ESPN: variants seen among roughly 807,000 people sequenced by gnomAD.
The protein encoded by ESPN is autosomal recessive deafness type 36 protein.
ESPN carries 68 observed loss-of-function variants against 77.7 expected under a neutral mutation model. That is an observed-to-expected ratio of 0.87 (90% CI 0.72 to 1.07). ESPN has a LOEUF of 1.07. ESPN is among the 50% of genes least tolerant of loss of function. The probability of loss-of-function intolerance (pLI) is 0.00; values close to 1 mark genes in which losing one functional copy is unlikely to be tolerated. For missense variants in ESPN, 1,060 were observed against 1,239.0 expected (o/e 0.86, Z 2.17); for synonymous variants, 449 against 567.1 (o/e 0.79, Z 2.96).
chr1:6,430,368 G>A (rs1569584417), intron 2 of ESPN, among the ~76,000 whole-genome samples: 1 of 152,254 alleles, frequency 6.6e-6, no homozygotes, highest in Non-Finnish European at 1.5e-5. Context: ...GAAGTGACAC[G>A]CTGCAGAGGA....
chr1:6,454,572 C>CA, intron 10 of ESPN: 2 of 399,008 alleles, frequency 5.0e-6, no homozygotes, highest in Non-Finnish European at 4.4e-6. Context: ...CGAGAACCTG[C>CA]AGGTGCTGCA....
At chr1:6,445,042 C>A (rs185451588) in intron 6 of ESPN, among the ~76,000 whole-genome samples, 1 of 152,270 alleles carries the variant, frequency 6.6e-6, no homozygotes, top group East Asian at 1.9e-4. Context: ...TCTGCACACA[C>A]CCACCCTACA....
intron 2 of ESPN, among the ~76,000 whole-genome samples, chr1:6,438,996 C>T (rs1170866782): frequency 6.6e-6 from 1 of 152,198 alleles, no homozygotes; most frequent in Non-Finnish European, 1.5e-5. Flanking sequence ...CCTGTAGTCC[C>T]AGCTGCTTGG....
chr1:6,448,807 G>A lies in ESPN; in HGVS notation c.1631G>A (p.Arg544His), dbSNP rs1294167711. The change falls in exon 8 of 13, where the codon CGT becomes CAT. Residue 544 changes from arginine (R) to histidine (H), a missense_variant. Arg to His is a conservative substitution (Grantham distance 29). This residue lies in a region of ESPN where 130 missense variants were observed against 223.9 expected (regional missense o/e 0.58). Coordinates refer to ENST00000645284, the MANE Select transcript of ESPN (RefSeq NM_031475.3). ...RPGMAHSEEV[R>H]ARQPARAGCP... is the part of the protein sequence containing the mutation. ...GGCATGGCGCACAGCGAGGAGGTGC[G>A]TGCCCGCCAGCCCGCGCGCGCCGGC... The A allele has an allele frequency of 7.9e-6, 10 of 1,271,404 alleles. No individual in the cohort carries two copies. The Admixed American group carries it at 3.7e-4, about 48-fold the overall frequency. 78.8% of individuals were successfully genotyped at this position (1,271,404 alleles called of 1,614,324 possible). A position where few individuals can be genotyped will look rare whatever the true frequency, so the allele number is the denominator to read the frequency against.
intron 7 of ESPN, 149 bp from the exon 8 acceptor site, chr1:6,448,492 T>G: frequency 3.2e-6 from 2 of 620,636 alleles, no homozygotes; most frequent in Non-Finnish European, 5.3e-6. Flanking sequence ...CTGCCCACTG[T>G]GAGAACCAGG....
chr1:6,436,234 T>C (rs539014520), intron 2 of ESPN, among the ~76,000 whole-genome samples: 3 of 152,208 alleles, frequency 2.0e-5, no homozygotes, highest in Non-Finnish European at 4.4e-5. Context: ...CAGCCTCAAA[T>C]TGGGGCTCTG....
In ESPN at chr1:6,452,024, CGAGTGGAAGCGCCAGGTGATGG is replaced by C. The variant is rs946806475; in HGVS notation, c.2254_2275del (p.Glu752CysfsTer6). On this transcript the variant is annotated frameshift_variant, in exon 10 of 13. Transcript: ENST00000645284. LOFTEE classifies it high-confidence loss of function. ...ACGATGAGCAGGGCCGGCCCATCCC[CGAGTGGAAGCGCCAGGTGATGG>C]TGCGCAAGATGCAGCTGAAGATGCA... The C allele has an allele frequency of 8.2e-6, 13 of 1,591,640 alleles. No individual in the cohort carries two copies. The African/African-American group carries it at 1.7e-4, about 21-fold the overall frequency.
intron 10 of ESPN, chr1:6,455,608 G>A (rs1385823186): frequency 5.0e-6 from 2 of 399,306 alleles, no homozygotes; most frequent in Non-Finnish European, 8.8e-6. Context: ...CTGGACGGCG[G>A]CGCACCCCCG....
At position 6,440,770 on chromosome 1, in the gene ESPN, A is replaced by C; in HGVS notation, c.820A>C (p.Thr274Pro). 6.6e-7 allele frequency: 1 copy of C among 1,523,330 alleles called. No individual in the cohort carries two copies. The highest frequency in any genetic ancestry group is 2.0e-5 in the Admixed American group (1 of 49,776). 94.4% of individuals were successfully genotyped at this position (1,523,330 alleles called of 1,614,324 possible). A position where few individuals can be genotyped will look rare whatever the true frequency, so the allele number is the denominator to read the frequency against. The change falls in exon 4 of 13, where the codon ACC becomes CCC. Residue 274 changes from threonine (T) to proline (P), a missense_variant. By Grantham distance (38) the Thr-to-Pro change is conservative (BLOSUM62 -1). Transcript: ENST00000645284. ...GEISADLWGG[T>P]PLHDAAENGE... is the part of the protein sequence containing the mutation. The stretch of plus-strand genomic sequence containing the variant: ...GATCTCGGCTGACCTGTGGGGCGGG[A>C]CCCCGCTGCACGACGCCGCCGAGAA...
intron 2 of ESPN, among the ~76,000 whole-genome samples, chr1:6,435,693 G>A (rs1339642117): frequency 3.9e-5 from 6 of 152,184 alleles, no homozygotes; most frequent in Non-Finnish European, 8.8e-5. Context: ...CTCCCCTCTA[G>A]GTAGTGTTCC....
Position 6,428,489 on chromosome 1 carries a change from T to C in ESPN, c.488+70T>C. On this transcript the variant is annotated intron_variant, in intron 2 of 12. Coordinates refer to ENST00000645284, the MANE Select transcript of ESPN (RefSeq NM_031475.3). The surrounding 1 kb of genome is among the most constrained non-coding windows in gnomAD (Gnocchi z 5.4). ...GGGCTTTGGGGGATGCCTGGGATTT[T>C]CCACGCCTCTCTGGCACTCCAGGGC... 1 of 1,358,064 alleles carries C rather than the reference T, an allele frequency of 7.4e-7. No individual in the cohort carries two copies. The highest frequency in any genetic ancestry group is 1.3e-5 in the South Asian group (1 of 74,806). The allele number at this position is 1,358,064 out of a possible 1,614,324, so 84.1% of individuals were successfully genotyped here. A position where few individuals can be genotyped will look rare whatever the true frequency, so the allele number is the denominator to read the frequency against.
At position 6,440,820 on chromosome 1, in the gene ESPN, C is replaced by T; in HGVS notation, c.858+12C>T. 1 of 1,468,452 alleles carries T rather than the reference C, an allele frequency of 6.8e-7. No homozygotes were observed. The highest frequency in any genetic ancestry group is 8.9e-7 in the Non-Finnish European group (1 of 1,119,324). 91.0% of individuals were successfully genotyped at this position (1,468,452 alleles called of 1,614,324 possible). On this transcript the variant is annotated intron_variant, in intron 4 of 12. Transcript: ENST00000645284. ...ACGGGGAGCTAGAGGTCAGCGCGGG[C>T]CCGGGGTGGGGGCGCGCGCCCTCTG... is the stretch of plus-strand genomic sequence containing the variant.
intron 12 of ESPN, among the ~76,000 whole-genome samples, chr1:6,459,107 G>A (rs1410007599): frequency 6.6e-6 from 1 of 152,096 alleles, no homozygotes; most frequent in East Asian, 1.9e-4. Flanking sequence ...TGGGCATGGT[G>A]GCACGCTCCT....
Position 6,451,504 on chromosome 1 carries a change from C to T in ESPN, c.1916-99C>T. 1.3e-6 allele frequency: 2 copies of T among 1,511,090 alleles called. No individual in the cohort carries two copies. The highest frequency in any genetic ancestry group is 1.8e-6 in the Non-Finnish European group (2 of 1,110,226). 93.6% of individuals were successfully genotyped at this position (1,511,090 alleles called of 1,614,324 possible). On this transcript the variant is annotated intron_variant, in intron 8 of 12. Transcript: ENST00000645284. This position sits in a 1 kb window ranked among gnomAD's most constrained non-coding sequence, Gnocchi z 4.3. ...GCTGGCCCGGAGGATGGGCACCCATCCAATCTTGGCTTAGGAAAGGGGCTG... is the reference window on the plus strand; with the variant it reads ...GCTGGCCCGGAGGATGGGCACCCATTCAATCTTGGCTTAGGAAAGGGGCTG...
chr1:6,455,476 T>C, intron 10 of ESPN: 2 of 397,374 alleles, frequency 5.0e-6, no homozygotes, highest in Non-Finnish European at 8.9e-6. Flanking sequence ...CTGCGGCAGC[T>C]GCTGAGGCAG....
Position 6,428,257 on chromosome 1 carries a change from A to G in ESPN, c.326A>G (p.His109Arg), listed in dbSNP as rs1379567538. The G allele has an allele frequency of 6.2e-7, 1 of 1,613,446 alleles. No individual in the cohort carries two copies. The highest frequency in any genetic ancestry group is 1.3e-5 in the African/African-American group (1 of 74,920). Residue 109 changes from histidine to arginine, a missense_variant, in exon 2 of 13, where the codon CAT (histidine) becomes CGT (arginine). His to Arg is a conservative substitution (Grantham distance 29). Coordinates refer to ENST00000645284, the MANE Select transcript of ESPN (RefSeq NM_031475.3). The surrounding 1 kb of genome is among the most constrained non-coding windows in gnomAD (Gnocchi z 5.4). ...GACAATTCTGGTGCCACAGTCTTGC[A>G]TCTGGCTGCCCGCTTCGGCCACCCC... ...DKDNSGATVL[H>R]LAARFGHPEV...
chr1:6,429,287 T>G (rs1643155226), intron 2 of ESPN, among the ~76,000 whole-genome samples: 1 of 152,074 alleles, frequency 6.6e-6, no homozygotes, highest in Admixed American at 6.5e-5. Context: ...AATGTGAATG[T>G]GGACCCAGCC....
rs776244582 is a variant in ESPN, at chr1:6,444,694, C to T, written c.1192+12C>T. The T allele has an allele frequency of 6.2e-7, 1 of 1,613,948 alleles. No individual in the cohort carries two copies. The highest frequency in any genetic ancestry group is 8.5e-7 in the Non-Finnish European group (1 of 1,179,868). ...GCACCCTCCATGTGGTGAGTGTGCC[C>T]AGGAGGAAGACGGGGAGGGAGAGCA... On this transcript the variant is annotated intron_variant, in intron 6 of 12. Coordinates refer to ENST00000645284, the MANE Select transcript of ESPN (RefSeq NM_031475.3).
At chr1:6,459,911 C>G in intron 12 of ESPN, 88 bp from the exon 13 acceptor site, 1 of 1,562,880 alleles carries the variant, frequency 6.4e-7, no homozygotes, top group Non-Finnish European at 8.8e-7. Context: ...GACCTGGCCT[C>G]TGCCTGGTGC....
Sources: allele counts gnomAD v4.1 joint callset (sites outside exome capture counted in the v4.1 genomes callset), GRCh38; gene constraint gnomAD v4.1.1; regional missense constraint gnomAD v4.1.1; non-coding constraint Gnocchi (gnomAD v3.1); transcripts MANE v1.5; gene names NCBI Gene and HGNC (gene_info 2026-07-23, HGNC 2026-07-21).